The following SNAPC1 variants were observed in gnomAD, a reference collection of about 807,000 sequenced individuals.
SNAPC1 encodes the protein small nuclear RNA activating complex polypeptide 1, also known as snRNA-activating protein complex subunit 1.
A neutral mutation model predicts 50.1 loss-of-function variants in SNAPC1; 42 were observed. The observed-to-expected ratio is 0.84, with a 90% CI of 0.65 to 1.08. The LOEUF (loss-of-function observed/expected upper bound fraction) is 1.08, where lower values mean the gene tolerates loss of function less well. Among genes scored for constraint, SNAPC1 ranks in the 50% least tolerant of loss-of-function variants. The pLI, the probability that SNAPC1 is intolerant of heterozygous loss-of-function variation, is 0.00. For missense variants in SNAPC1, 477 were observed against 427.3 expected (o/e 1.12, Z -1.02); for synonymous variants, 164 against 144.2 (o/e 1.14, Z -0.98).
intron 4 of SNAPC1, among the ~76,000 whole-genome samples, chr14:61,775,103 A>G (rs1279597174): frequency 1.3e-5 from 2 of 152,116 alleles, no homozygotes; most frequent in Non-Finnish European, 2.9e-5. Context: ...CTTAGAGCCA[A>G]GTCCCTATGC....
chr14:61,774,648 ATTTTTTTTTTTTTTTTTTTT>A (rs35300490), intron 4 of SNAPC1, among the ~76,000 whole-genome samples: 2 of 90,968 alleles, frequency 2.2e-5, no homozygotes, highest in African/African-American at 8.3e-5. Context: ...TCAGTTTCTC[ATTTTTTTTTTTTTTTTTTTT>A]TTTTTTTTTT....
chr14:61,762,429 C>G lies in SNAPC1; in HGVS notation c.-32C>G, dbSNP rs992795489. 9.3e-6 allele frequency: 15 copies of G among 1,604,778 alleles called. No individual in the cohort carries two copies. Among genetic ancestry groups the G allele is most frequent in the Non-Finnish European group, 1.2e-5 (14 of 1,177,340 alleles). Reference sequence around the variant, plus strand: ...CGCTGGCTAGTCCGTTAGAGGCGTGCGGGCTTCGGAGGCGTGCGGGCTTCG... The same window carrying G: ...CGCTGGCTAGTCCGTTAGAGGCGTGGGGGCTTCGGAGGCGTGCGGGCTTCG... On this transcript the variant is annotated 5_prime_UTR_variant, in exon 1 of 10. Coordinates refer to ENST00000216294, the MANE Select transcript of SNAPC1 (RefSeq NM_003082.4).
rs919736269 is a variant in SNAPC1, at chr14:61,774,825, G to A, written c.535-1270G>A. Among the ~76,000 whole-genome samples, 4 of 151,704 alleles carry A rather than the reference G, an allele frequency of 2.6e-5. 1 individual carries two copies. The South Asian group carries it at 6.3e-4, about 24-fold the overall frequency. Reference sequence around the variant, plus strand: ...ATTACAAGCATGTGCCACCACACCCGGCTAACTTTGTATTTTTAGTAGAGA... The same window carrying A: ...ATTACAAGCATGTGCCACCACACCCAGCTAACTTTGTATTTTTAGTAGAGA... On this transcript the variant is annotated intron_variant, in intron 4 of 9. Transcript: ENST00000216294.
intron 8 of SNAPC1, among the ~76,000 whole-genome samples, chr14:61,788,451 G>C (rs1393329853): frequency 6.6e-6 from 1 of 152,126 alleles, no homozygotes; most frequent in African/African-American, 2.4e-5. Context: ...TTGCACATAT[G>C]ATACTATTAA....
intron 9 of SNAPC1, among the ~76,000 whole-genome samples, chr14:61,793,153 G>A (rs1031461495): frequency 3.2e-4 from 49 of 152,212 alleles, no homozygotes; most frequent in African/African-American, 1.2e-3. Context: ...AGATGTCTCT[G>A]TCAGACCTCT....
In SNAPC1 at chr14:61,774,648, A is replaced by ATTTCTTTTTTTTTTTTTTTTTTTTTT. The variant is rs1172798543; in HGVS notation, c.535-1444_535-1443insCTTTTTTTTTTTTTTTTTTTTTTTTT. ...ACTCACCACTATTGATCAGTTTCTC[A>ATTTCTTTTTTTTTTTTTTTTTTTTTT]TTTTTTTTTTTTTTTTTTTTTTTTT... On this transcript the variant is annotated intron_variant, in intron 4 of 9. Transcript: ENST00000216294. Among the ~76,000 whole-genome samples the ATTTCTTTTTTTTTTTTTTTTTTTTTT allele has an allele frequency of 2.2e-5, 2 of 90,968 alleles. 1 individual carries two copies. The highest frequency in any genetic ancestry group is 4.6e-5 in the Non-Finnish European group (2 of 43,928). 59.7% of individuals were successfully genotyped at this position (90,968 alleles called of 152,430 possible).
chr14:61,789,832 T>C (rs1160246837), intron 8 of SNAPC1, among the ~76,000 whole-genome samples: 1 of 152,202 alleles, frequency 6.6e-6, no homozygotes, highest in African/African-American at 2.4e-5. Flanking sequence ...GAAAGTGGCA[T>C]GCCCAAAGTT....
chr14:61,779,708 G>GTT (rs5809124), intron 7 of SNAPC1, among the ~76,000 whole-genome samples: 15,935 of 115,456 alleles, frequency 0.14, 1,939 homozygotes, highest in South Asian at 0.31. Flanking sequence ...CACTTTGTTG[G>GTT]TTTTTTTTTT....
intron 8 of SNAPC1, among the ~76,000 whole-genome samples, chr14:61,782,607 T>A (rs1198164781): frequency 6.6e-6 from 1 of 152,200 alleles, no homozygotes; most frequent in African/African-American, 2.4e-5. Context: ...TATCGTTTTA[T>A]AGATGATGAA....
intron 8 of SNAPC1, among the ~76,000 whole-genome samples, chr14:61,783,108 C>T (rs751579492): frequency 2.0e-5 from 3 of 149,064 alleles, no homozygotes; most frequent in African/African-American, 5.0e-5. Context: ...CTGCAACCTC[C>T]GCCTCCCAGG....
At chr14:61,786,061 A>G (rs2045113972) in intron 8 of SNAPC1, among the ~76,000 whole-genome samples, 1 of 152,200 alleles carries the variant, frequency 6.6e-6, no homozygotes, top group Non-Finnish European at 1.5e-5. Flanking sequence ...CTTTCAGAAA[A>G]TGCAAGAGGG....
chr14:61,767,131 A>G, intron 2 of SNAPC1, 81 bp from the exon 3 acceptor site: 1 of 1,124,602 alleles, frequency 8.9e-7, no homozygotes, highest in Non-Finnish European at 1.2e-6. Flanking sequence ...ATTTAAATAA[A>G]ATGCCAGTAT....
At chr14:61,774,222 G>C (rs1157920819) in intron 4 of SNAPC1, among the ~76,000 whole-genome samples, 1 of 142,916 alleles carries the variant, frequency 7.0e-6, no homozygotes, top group Non-Finnish European at 1.5e-5. Flanking sequence ...AGTTGGCCTT[G>C]AATTCCTGGG....
intron 4 of SNAPC1, among the ~76,000 whole-genome samples, chr14:61,773,802 G>T (rs1002777940): frequency 1.3e-5 from 2 of 151,108 alleles, no homozygotes; most frequent in African/African-American, 4.9e-5. Context: ...CCACCTCCCA[G>T]GTTCAAGCGA....
intron 5 of SNAPC1, among the ~76,000 whole-genome samples, chr14:61,777,223 T>C (rs1288826822): frequency 2.6e-5 from 4 of 151,786 alleles, no homozygotes; most frequent in Admixed American, 6.6e-5. Context: ...AGGAAACTGA[T>C]AAGATGATAG....
At chr14:61,776,070 A>G (rs1414687247) in intron 4 of SNAPC1, 25 bp from the exon 5 acceptor site, 2 of 1,554,218 alleles carry the variant, frequency 1.3e-6, no homozygotes, top group African/African-American at 1.4e-5. Flanking sequence ...GTGAAGAAAT[A>G]AAGGACTCAT....
At chr14:61,773,912 T>G (rs1423271190) in intron 4 of SNAPC1, among the ~76,000 whole-genome samples, 1 of 151,920 alleles carries the variant, frequency 6.6e-6, no homozygotes, top group Non-Finnish European at 1.5e-5. Flanking sequence ...TTTCACCATG[T>G]TGGCCAGGGT....
chr14:61,785,280 T>C (rs2045107057), intron 8 of SNAPC1, among the ~76,000 whole-genome samples: 1 of 152,146 alleles, frequency 6.6e-6, no homozygotes, highest in Non-Finnish European at 1.5e-5. Flanking sequence ...CACATGCATG[T>C]AATCCCAGCT....
chr14:61,764,622 CTA>C (rs1594641371), intron 1 of SNAPC1, among the ~76,000 whole-genome samples: 1 of 152,228 alleles, frequency 6.6e-6, no homozygotes, highest in African/African-American at 2.4e-5. Flanking sequence ...ATGTTGGAAA[CTA>C]TGTATCTGCC....
Sources: gnomAD v4.1 joint callset for allele counts (sites outside exome capture counted in the v4.1 genomes callset) on GRCh38, gnomAD v4.1.1 for gene constraint, MANE v1.5 for transcripts, NCBI Gene and HGNC (gene_info 2026-07-23, HGNC 2026-07-21) for gene names.